The following SUPT3H variants were observed in gnomAD, a reference collection of about 807,000 sequenced individuals.
The protein encoded by SUPT3H is transcription initiation protein SPT3 homolog.
Under a neutral mutation model 44.3 loss-of-function variants are expected in SUPT3H, and 44 were observed. The observed-to-expected ratio is 0.99, with a 90% CI of 0.78 to 1.28. The LOEUF (loss-of-function observed/expected upper bound fraction) is 1.28. SUPT3H is among the 50% of genes most tolerant of loss of function. SUPT3H has a pLI of 0.00. For synonymous variants in SUPT3H, 124 were observed against 125.6 expected (o/e 0.99, Z 0.09); for missense variants, 380 against 387.1 (o/e 0.98, Z 0.15).
intron 2 of SUPT3H, among the ~76,000 whole-genome samples, chr6:45,323,337 T>A (rs1254440395): frequency 6.7e-4 from 102 of 152,232 alleles, no homozygotes; most frequent in African/African-American, 2.4e-3. Flanking sequence ...GGATTAAGAT[T>A]TATAAACGGA....
rs1185096260 is a variant in SUPT3H, at chr6:44,958,922, T to TTATC, written c.580+2830_580+2831insGATA. ...ACGAGTCTCACCCTGTCCCCCAGGC[T>TTATC]GATAGTGCAATGGCGCGATCTCGGC... On this transcript the variant is annotated intron_variant, in intron 7 of 10. Transcript: ENST00000371459. Among the ~76,000 whole-genome samples, 5 of 131,144 alleles carry TTATC rather than the reference T, an allele frequency of 3.8e-5. No individual in the cohort carries two copies. The East Asian group carries it at 1.2e-3, about 32-fold the overall frequency. 86.0% of individuals were successfully genotyped at this position (131,144 alleles called of 152,430 possible).
intron 2 of SUPT3H, among the ~76,000 whole-genome samples, chr6:45,215,341 C>A (rs1764863550): frequency 6.6e-6 from 1 of 151,754 alleles, no homozygotes; most frequent in African/African-American, 2.4e-5. Flanking sequence ...AGTGACAGAC[C>A]CTAATGAAAA....
At chr6:44,940,511 T>G (rs1772227914) in intron 9 of SUPT3H, among the ~76,000 whole-genome samples, 1 of 152,094 alleles carries the variant, frequency 6.6e-6, no homozygotes, top group South Asian at 2.1e-4. Flanking sequence ...TATTCTGCAG[T>G]TGTTGGGTAG....
chr6:44,831,008 G>C (rs996438554), intron 10 of SUPT3H, among the ~76,000 whole-genome samples: 2 of 152,078 alleles, frequency 1.3e-5, no homozygotes, highest in African/African-American at 4.8e-5. Context: ...AAAATGGAAA[G>C]TAGACTTAAC....
At chr6:45,322,780 CTG>C (rs934635096) in intron 2 of SUPT3H, 1 of 830,318 alleles carries the variant, frequency 1.2e-6, no homozygotes, top group Non-Finnish European at 2.1e-6. Context: ...ATTTTAAAGG[CTG>C]TGTGTGGTCT....
At chr6:45,030,751 T>C (rs2153523571) in intron 3 of SUPT3H, among the ~76,000 whole-genome samples, 1 of 152,314 alleles carries the variant, frequency 6.6e-6, no homozygotes, top group African/African-American at 2.4e-5. Flanking sequence ...TTATCTCTAT[T>C]ACTAATTACC....
intron 10 of SUPT3H, among the ~76,000 whole-genome samples, chr6:44,889,751 A>C (rs1486080454): frequency 6.6e-6 from 1 of 152,168 alleles, no homozygotes; most frequent in African/African-American, 2.4e-5. Flanking sequence ...CCAAAGACAA[A>C]ATTGACAAAT....
intron 6 of SUPT3H, among the ~76,000 whole-genome samples, chr6:44,975,774 A>G (rs547117265): frequency 2.6e-5 from 4 of 152,294 alleles, no homozygotes; most frequent in African/African-American, 9.6e-5. Context: ...TATTAATAAT[A>G]TAAACATCAA....
At chr6:44,980,259 A>G (rs1399587903) in intron 6 of SUPT3H, among the ~76,000 whole-genome samples, 1 of 151,770 alleles carries the variant, frequency 6.6e-6, no homozygotes, top group Non-Finnish European at 1.5e-5. Flanking sequence ...AAAAAAAAAA[A>G]GAAAAAATGA....
chr6:44,968,483 T>A (rs974866391), intron 6 of SUPT3H, among the ~76,000 whole-genome samples: 5 of 152,120 alleles, frequency 3.3e-5, no homozygotes, highest in Admixed American at 6.5e-5. Context: ...GGCAATCCAG[T>A]ACCCCAGTGA....
chr6:44,849,295 C>T (rs1581974449), intron 10 of SUPT3H, among the ~76,000 whole-genome samples: 5 of 137,924 alleles, frequency 3.6e-5, no homozygotes, highest in Admixed American at 3.2e-4. Context: ...GGCGGGATCT[C>T]GGCTCACTGC....
chr6:45,176,072 C>A (rs1811755395), intron 2 of SUPT3H, among the ~76,000 whole-genome samples: 1 of 152,084 alleles, frequency 6.6e-6, no homozygotes, highest in South Asian at 2.1e-4. Flanking sequence ...GGGGGAGGAG[C>A]CAAGATGGCC....
chr6:44,890,673 G>A (rs556466213), intron 10 of SUPT3H, among the ~76,000 whole-genome samples: 8 of 150,222 alleles, frequency 5.3e-5, no homozygotes, highest in Middle Eastern at 3.4e-3. Flanking sequence ...ACGAGTTAAT[G>A]GGTGCAGCAC....
At chr6:44,858,400 G>GCCAT in intron 10 of SUPT3H, among the ~76,000 whole-genome samples, 1 of 152,224 alleles carries the variant, frequency 6.6e-6, no homozygotes, top group Non-Finnish European at 1.5e-5. Flanking sequence ...GTGCATTTGT[G>GCCAT]CCATTACCAC....
chr6:45,020,994 A>C (rs1785051745), intron 3 of SUPT3H, among the ~76,000 whole-genome samples: 1 of 151,918 alleles, frequency 6.6e-6, no homozygotes, highest in African/African-American at 2.4e-5. Context: ...TCACTAGTTG[A>C]ATAAGTATAT....
intron 2 of SUPT3H, chr6:45,328,839 G>C: frequency 6.4e-7 from 1 of 1,557,448 alleles, no homozygotes; most frequent in South Asian, 1.1e-5. Context: ...AAACATAAAG[G>C]TATGATTCTT....
At chr6:45,092,851 C>G (rs2153564053) in intron 3 of SUPT3H, among the ~76,000 whole-genome samples, 1 of 151,248 alleles carries the variant, frequency 6.6e-6, no homozygotes, top group Non-Finnish European at 1.5e-5. Context: ...AGTTTCATAA[C>G]AACTTACTAG....
intron 10 of SUPT3H, among the ~76,000 whole-genome samples, chr6:44,846,342 GTTACAC>G (rs1365197918): frequency 6.6e-6 from 1 of 152,170 alleles, no homozygotes; most frequent in Non-Finnish European, 1.5e-5. Flanking sequence ...CTCTTCAAGA[GTTACAC>G]TTACGCATAT....
chr6:45,259,513 G>A (rs548891434), intron 2 of SUPT3H, among the ~76,000 whole-genome samples: 17 of 152,082 alleles, frequency 1.1e-4, no homozygotes, highest in African/African-American at 3.9e-4. Flanking sequence ...TTGACTTTTG[G>A]GGTTGGTTTA....
Sources: allele counts gnomAD v4.1 joint callset (sites outside exome capture counted in the v4.1 genomes callset), GRCh38; gene constraint gnomAD v4.1.1; transcripts MANE v1.5; gene names NCBI Gene and HGNC (gene_info 2026-07-23, HGNC 2026-07-21).